The following WDR1 variants were observed in gnomAD, a reference collection of about 807,000 sequenced individuals.
The protein encoded by WDR1 is WD repeat domain 1.
WDR1 carries 21 observed loss-of-function variants against 71.9 expected under a neutral mutation model. The ratio of observed to expected loss-of-function variants is 0.29; its 90% CI spans 0.21 to 0.42. WDR1 has a LOEUF of 0.42. Ranked by LOEUF, WDR1 falls within the 10% of genes least tolerant of loss-of-function variation. The pLI is 1.00. For synonymous variants in WDR1, 424 were observed against 347.4 expected (o/e 1.22, Z -2.45); for missense variants, 696 against 824.5 (o/e 0.84, Z 1.91).
intron 8 of WDR1, 89 bp downstream of exon 8, chr4:10,087,618 G>GCTTCCCCTCGGTTCCCCTTC (rs1711669176): frequency 7.7e-7 from 1 of 1,291,806 alleles, no homozygotes; most frequent in Admixed American, 2.6e-5. Flanking sequence ...CTTCCACCTG[G>GCTTCCCCTCGGTTCCCCTTC]CTTCCCCTCG....
At chr4:10,085,386 C>T (rs1015793689) in intron 8 of WDR1, among the ~76,000 whole-genome samples, 2 of 152,220 alleles carry the variant, frequency 1.3e-5, no homozygotes, top group African/African-American at 4.8e-5. Flanking sequence ...GGAGAATGGG[C>T]AACGAATGCA....
chr4:10,109,047 C>T (rs1713194792), intron 2 of WDR1, among the ~76,000 whole-genome samples: 1 of 152,272 alleles, frequency 6.6e-6, no homozygotes, highest in Admixed American at 6.5e-5. Flanking sequence ...TATCAAGAAA[C>T]AAATCCCCAC....
intron 2 of WDR1, among the ~76,000 whole-genome samples, chr4:10,106,131 C>G (rs903311220): frequency 6.6e-6 from 1 of 151,982 alleles, no homozygotes; most frequent in Non-Finnish European, 1.5e-5. Context: ...GCGGGGGGCA[C>G]CCTCCGGAGT....
intron 2 of WDR1, among the ~76,000 whole-genome samples, chr4:10,114,284 G>C (rs770177133): frequency 1.9e-4 from 29 of 152,222 alleles, no homozygotes; most frequent in Non-Finnish European, 3.5e-4. Flanking sequence ...AGAATACAGA[G>C]CTCAGAAACA....
At chr4:10,086,748 G>A (rs1035159512) in intron 8 of WDR1, among the ~76,000 whole-genome samples, 1 of 152,220 alleles carries the variant, frequency 6.6e-6, no homozygotes. Context: ...GCAGGAGCCC[G>A]AGAAGGGCTG....
At chr4:10,101,404 CCCT>C (rs1211552113) in intron 3 of WDR1, among the ~76,000 whole-genome samples, 2 of 152,238 alleles carry the variant, frequency 1.3e-5, no homozygotes, top group Admixed American at 1.3e-4. Flanking sequence ...CAAACCACCC[CCCT>C]ACCACACTAT....
At chr4:10,104,419 A>G (rs898230760) in intron 2 of WDR1, among the ~76,000 whole-genome samples, 3 of 152,164 alleles carry the variant, frequency 2.0e-5, no homozygotes, top group Non-Finnish European at 2.9e-5. Flanking sequence ...CTGCCAATCA[A>G]TGTTGGACCC....
rs377545543 is a variant in WDR1 at position 10,079,066 on chromosome 4, G to A, written c.1285-65C>T. ...TTCGGGACAAAACCCTCAGTGGTAG[G>A]AGGGGCGCGTCCCTGTCGGGGCTCA... On this transcript the variant is annotated intron_variant, in intron 11 of 14. Transcript: ENST00000499869. 13 of 1,356,344 alleles carry A rather than the reference G, an allele frequency of 9.6e-6. No individual in the cohort carries two copies. In the African/African-American group the frequency reaches 1.8e-4, roughly 18 times the overall value. The allele number at this position is 1,356,344 out of a possible 1,614,324, so 84.0% of individuals were successfully genotyped here.
Position 10,074,477 on chromosome 4 carries a change from C to T in WDR1, c.*901G>A, listed in dbSNP as rs553644598. On this transcript the variant is annotated 3_prime_UTR_variant, in exon 15 of 15. Transcript: ENST00000499869. The stretch of plus-strand genomic sequence containing the variant: ...ACACACGCAAAAACACTCCCAATCA[C>T]GGTGCTTTATACTTACTTTTAATTT... 2.0e-5 allele frequency: 3 copies of T among 152,728 alleles called. No individual in the cohort carries two copies. Among genetic ancestry groups the T allele is most frequent in the Admixed American group, 6.5e-5 (1 of 15,302 alleles). The allele number at this position is 152,728 out of a possible 1,614,324, so 9.5% of individuals were successfully genotyped here.
Position 10,097,770 on chromosome 4 carries a change from C to T in WDR1, c.499G>A (p.Asp167Asn), listed in dbSNP as rs754235076. ...SRPYRLATGSDDNCAAFFEGP... is the reference protein window; with the variant it reads ...SRPYRLATGSNDNCAAFFEGP... ...TCAAAGAATGCCGCGCAGTTATCAT[C>T]GCTTCCCGTGGCCAGCCGGTATGGC... is the stretch of plus-strand genomic sequence containing the variant. Residue 167 changes from aspartate to asparagine, a missense_variant, in exon 5 of 15, where the codon GAT (aspartate) becomes AAT (asparagine). Transcript: ENST00000499869. The T allele has an allele frequency of 6.2e-7, 1 of 1,613,830 alleles. No individual in the cohort carries two copies. Among genetic ancestry groups the T allele is most frequent in the Non-Finnish European group, 8.5e-7 (1 of 1,179,802 alleles).
intron 14 of WDR1, chr4:10,076,371 G>A (rs904004068): frequency 6.6e-6 from 1 of 152,354 alleles, no homozygotes; most frequent in Non-Finnish European, 1.5e-5. Flanking sequence ...CTATCTGCAC[G>A]AGAACCCGAT....
In WDR1 at chr4:10,093,112, G is replaced by A. The variant is rs773117044; in HGVS notation, c.559-4371C>T. The A allele has an allele frequency of 1.1e-5, 14 of 1,289,370 alleles. No homozygotes were observed. The South Asian group carries it at 1.6e-4, about 15-fold the overall frequency. The allele number at this position is 1,289,370 out of a possible 1,614,324, so 79.9% of individuals were successfully genotyped here. On this transcript the variant is annotated intron_variant, in intron 5 of 14. Coordinates refer to ENST00000499869, the MANE Select transcript of WDR1 (RefSeq NM_017491.5). ...ACCACACCCATGTCAACATCACAGA[G>A]CGACAGAGCGCTGCAGGCCCCAGCT... is the stretch of plus-strand genomic sequence containing the variant.
At chr4:10,112,088 C>G (rs1713408629) in intron 2 of WDR1, among the ~76,000 whole-genome samples, 1 of 151,670 alleles carries the variant, frequency 6.6e-6, no homozygotes, top group Admixed American at 6.6e-5. Flanking sequence ...TAAACAGGGA[C>G]TACTGGCACT....
chr4:10,089,710 C>G (rs770312673), intron 5 of WDR1, among the ~76,000 whole-genome samples: 2 of 152,216 alleles, frequency 1.3e-5, no homozygotes, highest in South Asian at 2.1e-4. Flanking sequence ...TCAGCAGGTA[C>G]GAACACTAAC....
intron 2 of WDR1, among the ~76,000 whole-genome samples, chr4:10,111,181 C>T (rs1713331852): frequency 6.6e-6 from 1 of 152,208 alleles, no homozygotes; most frequent in Non-Finnish European, 1.5e-5. Flanking sequence ...GCCTTCAGAG[C>T]AGGGCTGCGC....
intron 4 of WDR1, 140 bp downstream of exon 4, chr4:10,098,852 G>A: frequency 8.0e-7 from 1 of 1,250,694 alleles, no homozygotes; most frequent in South Asian, 1.4e-5. Flanking sequence ...AGCCCTCACG[G>A]GGCCCGGCAC....
intron 5 of WDR1, among the ~76,000 whole-genome samples, chr4:10,093,743 G>A (rs780632130): frequency 6.6e-6 from 1 of 152,210 alleles, no homozygotes; most frequent in Non-Finnish European, 1.5e-5. Context: ...AAGGCCAGTC[G>A]ACAGGAGGGG....
intron 2 of WDR1, among the ~76,000 whole-genome samples, chr4:10,110,073 TA>T (rs1352768169): frequency 1.3e-5 from 2 of 151,800 alleles, no homozygotes; most frequent in African/African-American, 4.8e-5. Context: ...TGCTCAGGGG[TA>T]TACACTGGAT....
intron 3 of WDR1, 23 bp from the exon 4 acceptor site, chr4:10,099,162 GAGGGGGGGAGGCGGTGGT>G: frequency 3.6e-6 from 5 of 1,404,122 alleles, no homozygotes; most frequent in Non-Finnish European, 5.0e-6. Context: ...GCGGGCGGGG[GAGGGGGGGAGGCGGTGGT>G]GGGGTAAAGG....
Sources: allele counts gnomAD v4.1 joint callset (sites outside exome capture counted in the v4.1 genomes callset), GRCh38; gene constraint gnomAD v4.1.1; transcripts MANE v1.5; gene names NCBI Gene and HGNC (gene_info 2026-07-23, HGNC 2026-07-21).